The following ADCY3 variants were observed in gnomAD, a reference collection of about 807,000 sequenced individuals.
ADCY3 encodes the protein adenylate cyclase type 3.
ADCY3 carries 70 observed loss-of-function variants against 119.4 expected under a neutral mutation model. That is an observed-to-expected ratio of 0.59 (90% confidence interval 0.48 to 0.72). ADCY3 has a LOEUF of 0.72. ADCY3 is among the 30% of genes least tolerant of loss of function. ADCY3 has a pLI of 0.00. For missense variants in ADCY3, 1,238 were observed against 1,541.6 expected (o/e 0.80, Z 3.30); for synonymous variants, 672 against 621.4 (o/e 1.08, Z -1.21).
At chr2:24,879,531 T>C (rs1158419569) in intron 2 of ADCY3, among the ~76,000 whole-genome samples, 1 of 151,184 alleles carries the variant, frequency 6.6e-6, no homozygotes, top group African/African-American at 2.4e-5. Context: ...ACCCCTTTCA[T>C]GACTTTTTCT....
At chr2:24,846,578 A>C (rs898134225) in intron 3 of ADCY3, among the ~76,000 whole-genome samples, 1 of 139,280 alleles carries the variant, frequency 7.2e-6, no homozygotes, top group Non-Finnish European at 1.6e-5. Flanking sequence ...TTTGCTTTTG[A>C]TTTTTTTTTT....
At chr2:24,888,870 A>G (rs1201901823) in intron 2 of ADCY3, among the ~76,000 whole-genome samples, 1 of 152,154 alleles carries the variant, frequency 6.6e-6, no homozygotes, top group Non-Finnish European at 1.5e-5. Context: ...TTAGCCGGGC[A>G]TAGTGGCATG....
chr2:24,830,860 T>G, intron 12 of ADCY3, 35 bp from the exon 13 acceptor site: 1 of 1,536,702 alleles, frequency 6.5e-7, no homozygotes, highest in Non-Finnish European at 9.0e-7. Flanking sequence ...CCATGAGCCT[T>G]TGCCAGTCCT....
At chr2:24,901,232 G>A (rs1046960125) in intron 2 of ADCY3, among the ~76,000 whole-genome samples, 7 of 152,146 alleles carry the variant, frequency 4.6e-5, no homozygotes, top group Admixed American at 6.5e-5. Flanking sequence ...GACGTTACAC[G>A]TGCCGCAGGC....
chr2:24,853,005 GGTGTGTGTGTGTGTGTGTGT>G (rs58904311), intron 3 of ADCY3, among the ~76,000 whole-genome samples: 1,494 of 95,334 alleles, frequency 0.016, 23 homozygotes, highest in African/African-American at 0.038. Context: ...ACAGCTGGAG[GGTGTGTGTGTGTGTGTGTGT>G]GTGTGTGTGT....
Position 24,918,179 on chromosome 2 carries a change from A to G in ADCY3, c.675+134T>C. On this transcript the variant is annotated intron_variant, in intron 2 of 21. Coordinates refer to ENST00000679454, the MANE Select transcript of ADCY3 (RefSeq NM_004036.5). The surrounding 1 kb of genome is among the most constrained non-coding windows in gnomAD (Gnocchi z 5.4). ...AGGGGTGAAAAGGCAGGGACTAGGG[A>G]GAGAGGTGAGAGCCCCGGAGGCCCC... 1.1e-6 allele frequency: 1 copy of G among 945,022 alleles called. No homozygotes were observed. Among genetic ancestry groups the G allele is most frequent in the Non-Finnish European group, 1.6e-6 (1 of 631,960 alleles). The allele number at this position is 945,022 out of a possible 1,614,324, so 58.5% of individuals were successfully genotyped here.
chr2:24,854,420 AC>A (rs1218177780), intron 3 of ADCY3, among the ~76,000 whole-genome samples: 2 of 152,054 alleles, frequency 1.3e-5, no homozygotes, highest in African/African-American at 4.8e-5. Context: ...CAGGTACTTC[AC>A]CCCGGGGGCT....
rs943508867 is a variant in ADCY3 at position 24,834,433 on chromosome 2, C to T, written c.1967+52G>A. 2.0e-5 allele frequency: 27 copies of T among 1,321,728 alleles called. No individual in the cohort carries two copies. The highest frequency in any genetic ancestry group is 2.6e-4 in the Middle Eastern group (1 of 3,890). 81.9% of individuals were successfully genotyped at this position (1,321,728 alleles called of 1,614,324 possible). A position where few individuals can be genotyped will look rare whatever the true frequency, so the allele number is the denominator to read the frequency against. On this transcript the variant is annotated intron_variant, in intron 11 of 21. Coordinates refer to ENST00000679454, the MANE Select transcript of ADCY3 (RefSeq NM_004036.5). This position sits in a 1 kb window ranked among gnomAD's most constrained non-coding sequence, Gnocchi z 4.2. ...GAGACACCTGCCCCCGCCCCCCGCC[C>T]GGCACCACCGCAGCCGAGGAAACTC...
intron 2 of ADCY3, among the ~76,000 whole-genome samples, chr2:24,914,465 G>A (rs1278009027): frequency 3.9e-5 from 6 of 152,154 alleles, no homozygotes; most frequent in African/African-American, 1.4e-4. Context: ...CTGAGGTCAG[G>A]AGTTCGAGGC....
At chr2:24,838,697 C>A in intron 7 of ADCY3, 75 bp from the exon 8 acceptor site, 2 of 1,595,952 alleles carry the variant, frequency 1.3e-6, no homozygotes, top group East Asian at 2.2e-5. Flanking sequence ...GTCCACGGAC[C>A]ACGGCTGCAC....
At position 24,918,141 on chromosome 2, in the gene ADCY3, C is replaced by T. The variant is rs1047974322; in HGVS notation, c.675+172G>A. 1.3e-5 allele frequency among the ~76,000 whole-genome samples: 2 copies of T among 152,170 alleles called. No individual in the cohort carries two copies. The highest frequency in any genetic ancestry group is 1.3e-4 in the Admixed American group (2 of 15,274). ...CCTGGGGCCAAGCACAGGCAGACTC[C>T]GGGTAATGGCACAGGGGTGAAAAGG... On this transcript the variant is annotated intron_variant, in intron 2 of 21. Coordinates refer to ENST00000679454, the MANE Select transcript of ADCY3 (RefSeq NM_004036.5). The surrounding 1 kb of genome is among the most constrained non-coding windows in gnomAD (Gnocchi z 5.4).
At chr2:24,823,910 G>T (rs944872858) in intron 17 of ADCY3, among the ~76,000 whole-genome samples, 8 of 152,144 alleles carry the variant, frequency 5.3e-5, no homozygotes, top group African/African-American at 1.9e-4. Flanking sequence ...GCCCAGGCTG[G>T]TCTCAAACTC....
intron 2 of ADCY3, among the ~76,000 whole-genome samples, chr2:24,897,445 A>G (rs954989034): frequency 6.6e-6 from 1 of 152,174 alleles, no homozygotes; most frequent in Non-Finnish European, 1.5e-5. Context: ...GAAGCTGAAC[A>G]CCAGCCTCAC....
chr2:24,838,950 T>G lies in ADCY3; in HGVS notation c.1356-328A>C, dbSNP rs745486721. ...TCAAATGCGATAAGGAATTTTTTTT[T>G]TTTTTTTTTTGAGACAGAGTCTTGT... On this transcript the variant is annotated intron_variant, in intron 7 of 21. Coordinates refer to ENST00000679454, the MANE Select transcript of ADCY3 (RefSeq NM_004036.5). 18 of 1,416,882 alleles carry G rather than the reference T, an allele frequency of 1.3e-5. No individual in the cohort carries two copies. The African/African-American group carries it at 2.6e-4, about 20-fold the overall frequency. The allele number at this position is 1,416,882 out of a possible 1,614,324, so 87.8% of individuals were successfully genotyped here.
At chr2:24,882,500 A>T (rs1247635408) in intron 2 of ADCY3, among the ~76,000 whole-genome samples, 1 of 152,194 alleles carries the variant, frequency 6.6e-6, no homozygotes, top group African/African-American at 2.4e-5. Flanking sequence ...TTCACTAGAC[A>T]CACAAACATC....
intron 2 of ADCY3, among the ~76,000 whole-genome samples, chr2:24,895,232 G>A (rs1222870625): frequency 2.6e-5 from 4 of 151,634 alleles, no homozygotes; most frequent in African/African-American, 4.8e-5. Flanking sequence ...CTGGGACTAC[G>A]GGCACACACC....
At chr2:24,897,235 C>T (rs1354805203) in intron 2 of ADCY3, among the ~76,000 whole-genome samples, 2 of 151,850 alleles carry the variant, frequency 1.3e-5, no homozygotes, top group Non-Finnish European at 2.9e-5. Context: ...TCCTCCTTCC[C>T]CTTCTCCTTT....
At position 24,863,063 on chromosome 2, in the gene ADCY3, C is replaced by T. The variant is rs1248263474; in HGVS notation, c.825+9507G>A. On this transcript the variant is annotated intron_variant, in intron 3 of 21. Transcript: ENST00000679454. ...ATCAGGATAAAACATGGCTAGGACACTCTCAAATATCAGGACCAAAAAAAA... is the reference window on the plus strand; with the variant it reads ...ATCAGGATAAAACATGGCTAGGACATTCTCAAATATCAGGACCAAAAAAAA... Among the ~76,000 whole-genome samples, 4 of 152,172 alleles carry T rather than the reference C, an allele frequency of 2.6e-5. No homozygotes were observed. In the East Asian group the frequency reaches 7.7e-4, roughly 29 times the overall value.
At chr2:24,904,916 C>G (rs1383708395) in intron 2 of ADCY3, among the ~76,000 whole-genome samples, 3 of 152,096 alleles carry the variant, frequency 2.0e-5, no homozygotes, top group Non-Finnish European at 2.9e-5. Context: ...GTTAGGATTA[C>G]AGATGTGAGC....
Sources: gnomAD v4.1 joint callset for allele counts (sites outside exome capture counted in the v4.1 genomes callset) on GRCh38, gnomAD v4.1.1 for gene constraint, Gnocchi (gnomAD v3.1) non-coding constraint, MANE v1.5 for transcripts, NCBI Gene and HGNC (gene_info 2026-07-23, HGNC 2026-07-21) for gene names.